ZBTB20: variants seen among roughly 807,000 people sequenced by gnomAD.
The protein encoded by ZBTB20 is zinc finger and BTB domain containing 20, also known as zinc finger and BTB domain-containing protein 20.
ZBTB20 carries 9 observed loss-of-function variants against 56.9 expected under a neutral mutation model. That is an observed-to-expected ratio of 0.16 (90% confidence interval 0.10 to 0.28). ZBTB20 has a LOEUF of 0.28. ZBTB20 is among the 10% of genes least tolerant of loss of function. ZBTB20 has a pLI of 1.00. For missense variants in ZBTB20, 655 were observed against 1,003.0 expected (o/e 0.65, Z 4.69); for synonymous variants, 417 against 420.7 (o/e 0.99, Z 0.11).
At chr3:114,538,252 A>G (rs2048710167) in intron 6 of ZBTB20, among the ~76,000 whole-genome samples, 1 of 152,096 alleles carries the variant, frequency 6.6e-6, no homozygotes, top group East Asian at 1.9e-4. Context: ...TACATTTTTC[A>G]TTGACATTGA....
At chr3:114,416,037 GTCTGCT>G (rs1397550168) in intron 7 of ZBTB20, among the ~76,000 whole-genome samples, 1 of 152,024 alleles carries the variant, frequency 6.6e-6, no homozygotes, top group Non-Finnish European at 1.5e-5. Flanking sequence ...AAAAACAGAA[GTCTGCT>G]TCCATTGCAG....
At chr3:114,697,305 A>G (rs1295250509) in intron 5 of ZBTB20, among the ~76,000 whole-genome samples, 1 of 152,020 alleles carries the variant, frequency 6.6e-6, no homozygotes, top group African/African-American at 2.4e-5. Flanking sequence ...TTTTCACAAA[A>G]TAAGTAAAAA....
chr3:114,665,991 G>T (rs1398784842), intron 6 of ZBTB20, among the ~76,000 whole-genome samples: 2 of 152,012 alleles, frequency 1.3e-5, no homozygotes, highest in Non-Finnish European at 2.9e-5. Context: ...AATCTGGTAA[G>T]ATCAAATGGA....
rs573928997 is a variant in ZBTB20 at position 114,546,588 on chromosome 3, G to T, written c.-294-46197C>A. Among the ~76,000 whole-genome samples the T allele has an allele frequency of 1.7e-4, 25 of 147,208 alleles. 1 individual carries two copies. Among genetic ancestry groups the T allele is most frequent in the Admixed American group, 1.1e-3 (16 of 14,606 alleles). The stretch of plus-strand genomic sequence containing the variant: ...TTTTTTTTTTTTAATCCAGACTGGA[G>T]AATTCAAATGCCTTGTTAATATCTA... On this transcript the variant is annotated intron_variant, in intron 6 of 11. Coordinates refer to ENST00000675478, the MANE Select transcript of ZBTB20 (RefSeq NM_001348800.3).
chr3:114,603,857 CCAATA>C (rs1201663376), intron 6 of ZBTB20, among the ~76,000 whole-genome samples: 1 of 151,836 alleles, frequency 6.6e-6, no homozygotes. Flanking sequence ...CCGTCTTTTA[CCAATA>C]CAATTGGCAA....
At chr3:114,711,185 T>C (rs2064050563) in intron 5 of ZBTB20, among the ~76,000 whole-genome samples, 1 of 149,008 alleles carries the variant, frequency 6.7e-6, no homozygotes, top group Admixed American at 6.7e-5. Context: ...CTGATCATTA[T>C]TTAAAATGAT....
chr3:114,903,776 G>A (rs571809762), intron 3 of ZBTB20, among the ~76,000 whole-genome samples: 3 of 152,072 alleles, frequency 2.0e-5, no homozygotes, highest in East Asian at 1.9e-4. Context: ...CCAAGGTGCC[G>A]TGTAATGGTC....
chr3:114,574,429 T>C (rs909216959), intron 6 of ZBTB20, among the ~76,000 whole-genome samples: 4 of 152,256 alleles, frequency 2.6e-5, no homozygotes, highest in Admixed American at 2.0e-4. Flanking sequence ...TCTATTTCAC[T>C]GTACCATTAC....
chr3:114,422,076 A>G (rs1407530568), intron 7 of ZBTB20, among the ~76,000 whole-genome samples: 1 of 152,184 alleles, frequency 6.6e-6, no homozygotes, highest in African/African-American at 2.4e-5. Flanking sequence ...AAGTAGATGA[A>G]GTTTAGAAGA....
chr3:114,814,674 T>C (rs2072793405), intron 4 of ZBTB20, among the ~76,000 whole-genome samples: 1 of 152,200 alleles, frequency 6.6e-6, no homozygotes, highest in Admixed American at 6.5e-5. Context: ...GATTCTTGCC[T>C]TTCTGTGCAC....
In ZBTB20 at chr3:114,443,791, T is replaced by C. The variant is rs529784501; in HGVS notation, c.-254-54686A>G. ...TAGTCATTCTGCTAAGCACTTTATA[T>C]ACTACATTTCATGGAATTCTTATAG... is the stretch of plus-strand genomic sequence containing the variant. On this transcript the variant is annotated intron_variant, in intron 7 of 11. Transcript: ENST00000675478. 3.3e-5 allele frequency among the ~76,000 whole-genome samples: 5 copies of C among 152,334 alleles called. No individual in the cohort carries two copies. In the South Asian group the frequency reaches 1.0e-3, roughly 32 times the overall value.
rs144990961 is a variant in ZBTB20 at position 115,055,001 on chromosome 3, G to T, written c.-507+16218C>A. On this transcript the variant is annotated intron_variant, in intron 2 of 11. Transcript: ENST00000675478. The stretch of plus-strand genomic sequence containing the variant: ...TCTTATAGAAATCAAAACTTTTATA[G>T]GAGTCCATGCTTTCCTGACAACAGA... Among the ~76,000 whole-genome samples the T allele has an allele frequency of 4.6e-3, 700 of 152,150 alleles. 8 individuals are homozygous for T. Among genetic ancestry groups the T allele is most frequent in the African/African-American group, 0.016 (647 of 41,520 alleles).
Position 114,336,170 on chromosome 3 carries a change from G to A in ZBTB20, c.*2835C>T, listed in dbSNP as rs1476731396. ...CCTTCTTTCATTTGTAACATGTATT[G>A]AGTGATTTCATGTCATTGTCTCCTA... On this transcript the variant is annotated 3_prime_UTR_variant, in exon 12 of 12. Transcript: ENST00000675478. The A allele has an allele frequency of 1.3e-5, 2 of 152,086 alleles. No individual in the cohort carries two copies. The highest frequency in any genetic ancestry group is 2.4e-5 in the African/African-American group (1 of 41,392). The allele number at this position is 152,086 out of a possible 1,614,324, so 9.4% of individuals were successfully genotyped here.
intron 7 of ZBTB20, among the ~76,000 whole-genome samples, chr3:114,497,583 C>T (rs536806008): frequency 6.6e-6 from 1 of 152,304 alleles, no homozygotes; most frequent in South Asian, 2.1e-4. Flanking sequence ...GACTTTAAGA[C>T]CCAGCCTGGT....
chr3:115,109,046 C>T (rs2083801244), intron 1 of ZBTB20, among the ~76,000 whole-genome samples: 3 of 151,984 alleles, frequency 2.0e-5, no homozygotes, highest in South Asian at 4.2e-4. Flanking sequence ...CAATGGATTA[C>T]AAAATATAAA....
intron 4 of ZBTB20, among the ~76,000 whole-genome samples, chr3:114,857,564 C>T (rs2075308738): frequency 6.6e-6 from 1 of 152,170 alleles, no homozygotes; most frequent in Admixed American, 6.5e-5. Flanking sequence ...CAAAGGCACA[C>T]AATGCTCTAT....
chr3:114,961,786 T>C (rs2077462989), intron 3 of ZBTB20, among the ~76,000 whole-genome samples: 1 of 152,126 alleles, frequency 6.6e-6, no homozygotes, highest in Admixed American at 6.5e-5. Flanking sequence ...TAAAAGTTCA[T>C]ATAAAACTAA....
rs535369760 is a variant in ZBTB20 at position 114,330,898 on chromosome 3, G to C, written c.*8107C>G. ...AGAGTGGCATTCTACTTCAATGCTT[G>C]AGATGGGCAAGAGCAATCAATTCCT... On this transcript the variant is annotated 3_prime_UTR_variant, in exon 12 of 12. Coordinates refer to ENST00000675478, the MANE Select transcript of ZBTB20 (RefSeq NM_001348800.3). 6.6e-6 allele frequency: 1 copy of C among 152,282 alleles called. No homozygotes were observed. Among genetic ancestry groups the C allele is most frequent in the Non-Finnish European group, 1.5e-5 (1 of 68,028 alleles). 9.4% of individuals were successfully genotyped at this position (152,282 alleles called of 1,614,324 possible).
chr3:114,733,032 A>G (rs1437194726), intron 5 of ZBTB20, among the ~76,000 whole-genome samples: 2 of 152,206 alleles, frequency 1.3e-5, no homozygotes, highest in Admixed American at 1.3e-4. Flanking sequence ...AAATGTTCCA[A>G]CAGACACTGA....
Sources: allele counts gnomAD v4.1 joint callset (sites outside exome capture counted in the v4.1 genomes callset), GRCh38; gene constraint gnomAD v4.1.1; transcripts MANE v1.5; gene names NCBI Gene and HGNC (gene_info 2026-07-23, HGNC 2026-07-21).